The following AKAP13 variants were observed in gnomAD, a reference collection of about 807,000 sequenced individuals.
AKAP13 encodes A-kinase anchoring protein 13.
In AKAP13, 80 loss-of-function variants were observed where a neutral mutation model predicts 264.5. The ratio of observed to expected loss-of-function variants is 0.30; its 90% CI spans 0.25 to 0.36. The LOEUF is 0.36. Among genes scored for constraint, AKAP13 ranks in the 10% least tolerant of loss-of-function variants. The pLI is 1.00. For missense variants in AKAP13, 3,712 were observed against 3,435.2 expected, an observed-to-expected ratio of 1.08 and a Z score of -2.01; for synonymous variants, 1,380 against 1,250.2, an observed-to-expected ratio of 1.10 and a Z score of -2.19.
chr15:85,715,655 G>A (rs1462641416), intron 19 of AKAP13, 133 bp from the exon 20 acceptor site: 1 of 1,200,468 alleles, frequency 8.3e-7, no homozygotes, highest in East Asian at 2.8e-5. Flanking sequence ...CCTCCATGGA[G>A]TTTTTATATA....
chr15:85,631,628 A>G (rs1026643540), intron 8 of AKAP13, among the ~76,000 whole-genome samples: 1 of 152,020 alleles, frequency 6.6e-6, no homozygotes, highest in East Asian at 1.9e-4. Context: ...GTGAAATCCA[A>G]ATAAAGTCCG....
In AKAP13 at chr15:85,743,612, G is replaced by A. The variant is rs1028149938; in HGVS notation, c.8179G>A (p.Val2727Met). 2 of 1,614,070 alleles carry A rather than the reference G, an allele frequency of 1.2e-6. No homozygotes were observed. Among genetic ancestry groups the A allele is most frequent in the Non-Finnish European group, 1.7e-6 (2 of 1,180,014 alleles). ...AGGGTCATTGGACTCAGAACTTTCA[G>A]TGTCCCCAAAAAGGAACAGCATCTC... Reference protein sequence around the residue: ...KSGSLDSELSVSPKRNSISRT... With the variant: ...KSGSLDSELSMSPKRNSISRT... Residue 2727 changes from valine (V) to methionine (M), a missense_variant, in exon 36 of 37, where the codon GTG becomes ATG. This residue lies in a region of AKAP13 where 611 missense variants were observed against 539.3 expected (regional missense o/e 1.13). Coordinates refer to ENST00000394518, the MANE Select transcript of AKAP13 (RefSeq NM_007200.5).
At chr15:85,419,873 A>G (rs1048572966) in intron 1 of AKAP13, among the ~76,000 whole-genome samples, 54 of 151,556 alleles carry the variant, frequency 3.6e-4, no homozygotes, top group Non-Finnish European at 7.2e-4. Context: ...GAGAGAAAGA[A>G]GGCACACCTT....
intron 12 of AKAP13, among the ~76,000 whole-genome samples, chr15:85,663,589 T>C (rs1470907630): frequency 6.6e-6 from 1 of 152,200 alleles, no homozygotes; most frequent in African/African-American, 2.4e-5. Context: ...GGTAACTAAG[T>C]AGCTTCAGTA....
At chr15:85,393,048 A>G (rs2070943131) in intron 1 of AKAP13, among the ~76,000 whole-genome samples, 5 of 152,200 alleles carry the variant, frequency 3.3e-5, no homozygotes, top group Admixed American at 1.3e-4. Flanking sequence ...TGGTATCTGT[A>G]AATTAATCTA....
intron 1 of AKAP13, among the ~76,000 whole-genome samples, chr15:85,457,440 C>T (rs536447286): frequency 8.5e-5 from 13 of 152,166 alleles, no homozygotes; most frequent in African/African-American, 3.1e-4. Context: ...ACACTTCCTA[C>T]CTTTCTTTTG....
rs2087323984 is a variant in AKAP13, at chr15:85,722,022, A to C, written c.6284A>C (p.Lys2095Thr). Residue 2095 changes from lysine to threonine, a missense_variant, in exon 24 of 37, where the codon AAG becomes ACG. Physicochemically the swap from Lys to Thr is moderately conservative, Grantham distance 78. This residue lies in a region of AKAP13 where 342 missense variants were observed against 484.3 expected (regional missense o/e 0.71). Coordinates refer to ENST00000394518, the MANE Select transcript of AKAP13 (RefSeq NM_007200.5). Reference protein sequence around the residue: ...FSGENAERLKKTYGKFCGQHN... With the variant: ...FSGENAERLKTTYGKFCGQHN... ...GGTGAGAATGCAGAACGTTTAAAGA[A>C]GACATATGGCAAGTTTTGTGGGCAA... 2.5e-6 allele frequency: 4 copies of C among 1,614,170 alleles called. No homozygotes were observed. Among genetic ancestry groups the C allele is most frequent in the Non-Finnish European group, 3.4e-6 (4 of 1,179,960 alleles).
chr15:85,649,726 T>C (rs1354021718), intron 10 of AKAP13, among the ~76,000 whole-genome samples: 1 of 152,210 alleles, frequency 6.6e-6, no homozygotes, highest in African/African-American at 2.4e-5. Flanking sequence ...CTCATGAATA[T>C]GTGTGGGTTC....
At chr15:85,593,127 T>C (rs1355758279) in intron 8 of AKAP13, among the ~76,000 whole-genome samples, 2 of 152,090 alleles carry the variant, frequency 1.3e-5, no homozygotes, top group African/African-American at 4.8e-5. Flanking sequence ...CTGGCCAACA[T>C]GGCAAAACCC....
intron 4 of AKAP13, among the ~76,000 whole-genome samples, chr15:85,537,560 T>C (rs4300604): frequency 0.78 from 118,658 of 152,204 alleles, 46,746 homozygotes; most frequent in African/African-American, 0.83. Flanking sequence ...TAGGTGCCTA[T>C]GTGCACACAT....
intron 2 of AKAP13, among the ~76,000 whole-genome samples, chr15:85,516,821 A>AT (rs2076619252): frequency 6.6e-6 from 1 of 152,158 alleles, no homozygotes; most frequent in Admixed American, 6.5e-5. Flanking sequence ...TTGACAAGAG[A>AT]TGTGAGTTGT....
chr15:85,668,817 C>G (rs1413283199), intron 13 of AKAP13, among the ~76,000 whole-genome samples: 2 of 152,116 alleles, frequency 1.3e-5, no homozygotes, highest in Non-Finnish European at 2.9e-5. Flanking sequence ...GTGGTGCACC[C>G]CTGTAATCCC....
rs117177159 is a variant in AKAP13, at chr15:85,625,593, A to C, written c.4162-13781A>C. ...CAGATGTGGCCAGGCACAGTGGCTC[A>C]CATCACGCCTGTAACCCCAGCACTT... On this transcript the variant is annotated intron_variant, in intron 8 of 36. Coordinates refer to ENST00000394518, the MANE Select transcript of AKAP13 (RefSeq NM_007200.5). Among the ~76,000 whole-genome samples, 1,506 of 152,322 alleles carry C rather than the reference A, an allele frequency of 9.9e-3. 10 individuals are homozygous for C. The highest frequency in any genetic ancestry group is 0.017 in the Non-Finnish European group (1,129 of 68,022).
chr15:85,590,728 A>G (rs1275923703), intron 8 of AKAP13, among the ~76,000 whole-genome samples: 2 of 152,180 alleles, frequency 1.3e-5, no homozygotes, highest in Admixed American at 6.5e-5. Context: ...ATTTTAGCCA[A>G]AGTTTTAATG....
rs1465004633 is a variant in AKAP13, at chr15:85,436,028, G to C, written c.-11-49682G>C. On this transcript the variant is annotated intron_variant, in intron 1 of 36. Coordinates refer to ENST00000394518, the MANE Select transcript of AKAP13 (RefSeq NM_007200.5). The stretch of plus-strand genomic sequence containing the variant: ...TTAAAAGACACAGACTGGCAAATTG[G>C]ATAAAGAGTCAAGACCCATCAGTGT... Among the ~76,000 whole-genome samples the C allele has an allele frequency of 6.5e-4, 96 of 146,864 alleles. 1 individual carries two copies. The highest frequency in any genetic ancestry group is 6.9e-3 in the Middle Eastern group (2 of 290).
At chr15:85,467,280 C>G (rs1393903166) in intron 1 of AKAP13, among the ~76,000 whole-genome samples, 2 of 148,510 alleles carry the variant, frequency 1.3e-5, no homozygotes, top group African/African-American at 2.4e-5. Context: ...ATATTCAGTA[C>G]TTGGTACATG....
intron 14 of AKAP13, among the ~76,000 whole-genome samples, chr15:85,673,243 A>G (rs2084016012): frequency 6.6e-6 from 1 of 152,190 alleles, no homozygotes; most frequent in African/African-American, 2.4e-5. Context: ...AAAATACTGA[A>G]TAGAGAGGGT....
chr15:85,744,045 GTTTCAT>G, intron 36 of AKAP13: 1 of 566,874 alleles, frequency 1.8e-6, no homozygotes, highest in Non-Finnish European at 3.1e-6. Flanking sequence ...GAGAGCATGG[GTTTCAT>G]TTTCAAGGCA....
intron 8 of AKAP13, among the ~76,000 whole-genome samples, chr15:85,601,118 G>A (rs921728689): frequency 6.6e-6 from 1 of 152,136 alleles, no homozygotes; most frequent in African/African-American, 2.4e-5. Context: ...TTACTATTAT[G>A]TATTAAAATG....
Sources: gnomAD v4.1 joint callset for allele counts (sites outside exome capture counted in the v4.1 genomes callset) on GRCh38, gnomAD v4.1.1 for gene constraint, gnomAD v4.1.1 regional missense constraint, MANE v1.5 for transcripts, NCBI Gene and HGNC (gene_info 2026-07-23, HGNC 2026-07-21) for gene names.